Variants in FLT1 observed in about 807,000 individuals in gnomAD.
FLT1 encodes vascular endothelial growth factor receptor 1.
FLT1 carries 49 observed loss-of-function variants against 156.3 expected under a neutral mutation model. The ratio of observed to expected loss-of-function variants is 0.31; its 90% CI spans 0.25 to 0.40. The LOEUF is 0.40. Ranked by LOEUF, FLT1 falls within the 10% of genes least tolerant of loss-of-function variation. The pLI, the probability that FLT1 is intolerant of heterozygous loss-of-function variation, is 1.00. For missense variants in FLT1, 1,322 were observed against 1,637.2 expected, an observed-to-expected ratio of 0.81 and a Z score of 3.32; for synonymous variants, 594 against 583.8, an observed-to-expected ratio of 1.02 and a Z score of -0.25.
chr13:28,301,968 G>A lies in FLT1; in HGVS notation c.*1199C>T, dbSNP rs1416044268. 1 of 233,590 alleles carries A rather than the reference G, an allele frequency of 4.3e-6. No homozygotes were observed. The highest frequency in any genetic ancestry group is 8.5e-6 in the Non-Finnish European group (1 of 118,056). The allele number at this position is 233,590 out of a possible 1,614,324, so 14.5% of individuals were successfully genotyped here. ...TGCTCTTCCACATCCTTTCAGATTA[G>A]TGTGAGATAGTGGAATCCCCATTAA... is the stretch of plus-strand genomic sequence containing the variant. On this transcript the variant is annotated 3_prime_UTR_variant, in exon 30 of 30. Coordinates refer to ENST00000282397, the MANE Select transcript of FLT1 (RefSeq NM_002019.4).
At chr13:28,403,585 T>A (rs1354663025) in intron 11 of FLT1, among the ~76,000 whole-genome samples, 1 of 152,220 alleles carries the variant, frequency 6.6e-6, no homozygotes, top group African/African-American at 2.4e-5. Flanking sequence ...AGCTTATAAA[T>A]TCTTGTGTTA....
intron 14 of FLT1, among the ~76,000 whole-genome samples, chr13:28,380,555 G>A (rs937560709): frequency 2.0e-5 from 3 of 152,168 alleles, no homozygotes; most frequent in Non-Finnish European, 4.4e-5. Flanking sequence ...CTTAATAAGT[G>A]CTAAATTGCT....
At chr13:28,329,132 G>C (rs1420670346) in intron 19 of FLT1, among the ~76,000 whole-genome samples, 1 of 152,208 alleles carries the variant, frequency 6.6e-6, no homozygotes, top group African/African-American at 2.4e-5. Flanking sequence ...GCGACAACAT[G>C]CTGGAGCTCT....
chr13:28,388,012 A>G (rs1699719430), intron 13 of FLT1: 3 of 1,059,692 alleles, frequency 2.8e-6, no homozygotes, highest in Non-Finnish European at 3.4e-6. Context: ...TTTCATAAGG[A>G]TCCCTCAATC....
chr13:28,475,940 C>A (rs1180069051), intron 1 of FLT1, among the ~76,000 whole-genome samples: 1 of 152,176 alleles, frequency 6.6e-6, no homozygotes, highest in Non-Finnish European at 1.5e-5. Flanking sequence ...ATTCCATCCA[C>A]CAACAGACTA....
intron 20 of FLT1, 128 bp downstream of exon 20, chr13:28,327,334 G>A: frequency 1.5e-6 from 1 of 689,118 alleles, no homozygotes; most frequent in Non-Finnish European, 2.6e-6. Context: ...AAAAGGAGAA[G>A]AAGCAGAGAT....
At chr13:28,310,241 GC>G (rs1566278926) in intron 27 of FLT1, among the ~76,000 whole-genome samples, 1 of 152,120 alleles carries the variant, frequency 6.6e-6, no homozygotes, top group Non-Finnish European at 1.5e-5. Context: ...TTCCCTGGTG[GC>G]TGAACTGAGG....
intron 12 of FLT1, among the ~76,000 whole-genome samples, chr13:28,395,224 A>T (rs187757787): frequency 6.6e-6 from 1 of 152,312 alleles, no homozygotes; most frequent in East Asian, 1.9e-4. Flanking sequence ...ACTTGTCAGT[A>T]GTTAGACGTA....
chr13:28,364,388 T>G (rs1471919064), intron 14 of FLT1, among the ~76,000 whole-genome samples: 4 of 152,196 alleles, frequency 2.6e-5, no homozygotes, highest in African/African-American at 9.6e-5. Context: ...TGGTGAATTT[T>G]TAATACAAAG....
intron 1 of FLT1, among the ~76,000 whole-genome samples, chr13:28,468,289 G>A (rs182408548): frequency 5.9e-5 from 9 of 152,242 alleles, no homozygotes; most frequent in East Asian, 5.8e-4. Flanking sequence ...CTGTTCACAC[G>A]CTTACGTGAC....
intron 3 of FLT1, among the ~76,000 whole-genome samples, chr13:28,442,938 T>A (rs1479409033): frequency 1.3e-5 from 2 of 152,222 alleles, no homozygotes; most frequent in Admixed American, 1.3e-4. Flanking sequence ...CATCTGTCTT[T>A]GTCACAAAAT....
intron 14 of FLT1, among the ~76,000 whole-genome samples, chr13:28,384,088 T>TA (rs1481156384): frequency 6.6e-6 from 1 of 152,188 alleles, no homozygotes; most frequent in African/African-American, 2.4e-5. Flanking sequence ...AAACACAATT[T>TA]AAAAAGTTTT....
chr13:28,421,534 CT>C (rs11290096), intron 10 of FLT1, among the ~76,000 whole-genome samples: 112,655 of 151,230 alleles, frequency 0.74, 42,033 homozygotes, highest in Non-Finnish European at 0.75. Flanking sequence ...AGCTGCTGCA[CT>C]TTTTTTTTTC....
In FLT1 at chr13:28,439,225, T is replaced by A. The variant is rs1031171583; in HGVS notation, c.389-880A>T. On this transcript the variant is annotated intron_variant, in intron 3 of 29. Coordinates refer to ENST00000282397, the MANE Select transcript of FLT1 (RefSeq NM_002019.4). The surrounding 1 kb of genome is among the most constrained non-coding windows in gnomAD (Gnocchi z 4.1). ...CCTGCCCTTGCCCTCGGGAATCTATTGACATCCTCAGGCAACGATCTCTTC... is the reference window on the plus strand; with the variant it reads ...CCTGCCCTTGCCCTCGGGAATCTATAGACATCCTCAGGCAACGATCTCTTC... 1.3e-5 allele frequency among the ~76,000 whole-genome samples: 2 copies of A among 152,198 alleles called. No individual in the cohort carries two copies. The highest frequency in any genetic ancestry group is 2.9e-5 in the Non-Finnish European group (2 of 68,040).
At chr13:28,396,679 A>C (rs575105129) in intron 12 of FLT1, 1 of 534,668 alleles carries the variant, frequency 1.9e-6, no homozygotes, top group African/African-American at 1.9e-5. Flanking sequence ...TAGGTACTGA[A>C]GGGAATGAAA....
chr13:28,393,024 A>G (rs189829449), intron 12 of FLT1, among the ~76,000 whole-genome samples: 34 of 152,256 alleles, frequency 2.2e-4, no homozygotes, highest in African/African-American at 8.2e-4. Context: ...CTGAGTACAA[A>G]AACAGACCCA....
intron 16 of FLT1, among the ~76,000 whole-genome samples, chr13:28,343,652 T>C (rs1323044469): frequency 6.6e-6 from 1 of 151,452 alleles, no homozygotes; most frequent in East Asian, 1.9e-4. Context: ...TTTCTTTTTT[T>C]TTTTTTCTGA....
rs764784691 is a variant in FLT1 at position 28,329,593 on chromosome 13, C to T, written c.2707+22G>A. ...CAGCCTGTGCAGGGGGAGACGGAGC[C>T]GGCCCTCCCCTTCTCCATTACCTCC... On this transcript the variant is annotated intron_variant, in intron 19 of 29. Coordinates refer to ENST00000282397, the MANE Select transcript of FLT1 (RefSeq NM_002019.4). 14 of 1,518,390 alleles carry T rather than the reference C, an allele frequency of 9.2e-6. No homozygotes were observed. The South Asian group carries it at 1.0e-4, about 11-fold the overall frequency. 94.1% of individuals were successfully genotyped at this position (1,518,390 alleles called of 1,614,324 possible). A position where few individuals can be genotyped will look rare whatever the true frequency, so the allele number is the denominator to read the frequency against.
At chr13:28,341,360 G>T (rs533777210) in intron 16 of FLT1, among the ~76,000 whole-genome samples, 1 of 152,154 alleles carries the variant, frequency 6.6e-6, no homozygotes, top group Non-Finnish European at 1.5e-5. Context: ...ACAGCTAAGT[G>T]CTTCAAAGCC....
Sources: gnomAD v4.1 joint callset for allele counts (sites outside exome capture counted in the v4.1 genomes callset) on GRCh38, gnomAD v4.1.1 for gene constraint, Gnocchi (gnomAD v3.1) non-coding constraint, MANE v1.5 for transcripts, NCBI Gene and HGNC (gene_info 2026-07-23, HGNC 2026-07-21) for gene names.